Variants in MARCHF1 observed in about 807,000 individuals in gnomAD.
MARCHF1 encodes E3 ubiquitin-protein ligase MARCHF1.
In MARCHF1, 40 loss-of-function variants were observed where a neutral mutation model predicts 54.2. The observed-to-expected ratio is 0.74, with a 90% CI of 0.57 to 0.96. MARCHF1 has a LOEUF of 0.96. Ranked by LOEUF, MARCHF1 falls within the 40% of genes least tolerant of loss-of-function variation. The pLI, the probability that MARCHF1 is intolerant of heterozygous loss-of-function variation, is 0.00. For synonymous variants in MARCHF1, 236 were observed against 236.3 expected, an observed-to-expected ratio of 1.00 and a Z score of 0.01; for missense variants, 586 against 656.5, an observed-to-expected ratio of 0.89 and a Z score of 1.17.
At chr4:163,529,487 T>C (rs886439338) in intron 9 of MARCHF1, among the ~76,000 whole-genome samples, 2 of 151,966 alleles carry the variant, frequency 1.3e-5, no homozygotes, top group African/African-American at 4.8e-5. Flanking sequence ...GTACAGGTCT[T>C]CCCACCCTCA....
At chr4:163,742,433 T>TCC (rs1436357996) in intron 4 of MARCHF1, among the ~76,000 whole-genome samples, 6 of 146,694 alleles carry the variant, frequency 4.1e-5, no homozygotes, top group African/African-American at 7.5e-5. Context: ...CTTCCTTCCT[T>TCC]TTCTTTCTTT....
At chr4:163,562,241 G>A (rs776254978) in intron 8 of MARCHF1, among the ~76,000 whole-genome samples, 4 of 152,128 alleles carry the variant, frequency 2.6e-5, no homozygotes, top group Non-Finnish European at 5.9e-5. Flanking sequence ...AGGTTGCAGT[G>A]AGCAGAGATC....
chr4:163,699,254 T>C (rs903303257), intron 5 of MARCHF1, among the ~76,000 whole-genome samples: 10 of 152,220 alleles, frequency 6.6e-5, no homozygotes, highest in Admixed American at 6.5e-4. Flanking sequence ...AGCACACACA[T>C]TGACTGATAC....
intron 2 of MARCHF1, among the ~76,000 whole-genome samples, chr4:164,102,929 G>A (rs1486599249): frequency 8.6e-6 from 1 of 116,934 alleles, no homozygotes; most frequent in Non-Finnish European, 1.8e-5. Context: ...GATCTACCAA[G>A]CCAATGGAAA....
At chr4:163,814,436 C>T (rs949854522) in intron 4 of MARCHF1, among the ~76,000 whole-genome samples, 1 of 152,008 alleles carries the variant, frequency 6.6e-6, no homozygotes, top group Non-Finnish European at 1.5e-5. Context: ...AAAGATTAGC[C>T]GGTTGTGTGT....
intron 2 of MARCHF1, among the ~76,000 whole-genome samples, chr4:164,075,048 T>C (rs969511773): frequency 1.3e-5 from 2 of 152,112 alleles, no homozygotes; most frequent in Non-Finnish European, 2.9e-5. Flanking sequence ...AATGATAAAA[T>C]AGATCAGTAA....
chr4:164,212,150 A>G (rs1194748432), intron 1 of MARCHF1, among the ~76,000 whole-genome samples: 1 of 152,166 alleles, frequency 6.6e-6, no homozygotes, highest in Non-Finnish European at 1.5e-5. Context: ...GAAAGAATAG[A>G]AACAACAACA....
At chr4:163,672,305 A>T (rs1456274196) in intron 5 of MARCHF1, among the ~76,000 whole-genome samples, 1 of 152,054 alleles carries the variant, frequency 6.6e-6, no homozygotes, top group African/African-American at 2.4e-5. Flanking sequence ...GTTTTGGGGT[A>T]CATGTGAAGG....
intron 1 of MARCHF1, among the ~76,000 whole-genome samples, chr4:164,329,395 A>G (rs939875705): frequency 2.6e-5 from 4 of 152,182 alleles, no homozygotes; most frequent in African/African-American, 7.2e-5. Context: ...AGAAATAAAG[A>G]AAAAAGGAAG....
chr4:163,662,589 C>T lies in MARCHF1; in HGVS notation c.162+38224G>A, dbSNP rs534317932. 1.3e-4 allele frequency among the ~76,000 whole-genome samples: 20 copies of T among 152,164 alleles called. No homozygotes were observed. The South Asian group carries it at 4.1e-3, about 32-fold the overall frequency. On this transcript the variant is annotated intron_variant, in intron 5 of 9. Coordinates refer to ENST00000514618, the MANE Select transcript of MARCHF1 (RefSeq NM_001394959.1). ...CTACTTGCTCTAAGTCCGTCTGTTA[C>T]CATCTCTCTCTGTCTCTGATAGAAA... is the stretch of plus-strand genomic sequence containing the variant.
intron 7 of MARCHF1, among the ~76,000 whole-genome samples, chr4:163,609,301 C>T (rs913675291): frequency 2.0e-5 from 3 of 152,066 alleles, no homozygotes; most frequent in African/African-American, 7.2e-5. Context: ...CAACTTGCCT[C>T]TGTCTTCTGC....
At chr4:163,636,935 A>T (rs1273727765) in intron 5 of MARCHF1, among the ~76,000 whole-genome samples, 3 of 152,220 alleles carry the variant, frequency 2.0e-5, no homozygotes, top group Admixed American at 1.3e-4. Context: ...CCTCAGAAAT[A>T]ACGCTGCATA....
intron 1 of MARCHF1, among the ~76,000 whole-genome samples, chr4:164,213,877 C>T (rs1408731709): frequency 6.6e-6 from 1 of 151,852 alleles, no homozygotes; most frequent in Non-Finnish European, 1.5e-5. Context: ...AAATAATCTT[C>T]ATCTTAATAA....
chr4:163,813,992 C>T (rs570497197), intron 4 of MARCHF1, among the ~76,000 whole-genome samples: 14 of 152,296 alleles, frequency 9.2e-5, no homozygotes, highest in Admixed American at 3.9e-4. Flanking sequence ...GGACAGAATC[C>T]AGGGCTCAGG....
At position 164,026,840 on chromosome 4, in the gene MARCHF1, C is replaced by CA. The variant is rs1753778953; in HGVS notation, c.-247-38132dup. On this transcript the variant is annotated intron_variant, in intron 2 of 9. Coordinates refer to ENST00000514618, the MANE Select transcript of MARCHF1 (RefSeq NM_001394959.1). ...TATGATTACATACCTAGAATACCCC[C>CA]ACAGTCTCTGCCCAAGTGCTCCTGG... Among the ~76,000 whole-genome samples the CA allele has an allele frequency of 2.0e-5, 3 of 152,188 alleles. No homozygotes were observed. In the South Asian group the frequency reaches 6.2e-4, roughly 32 times the overall value.
intron 5 of MARCHF1, among the ~76,000 whole-genome samples, chr4:163,678,015 A>C (rs554237341): frequency 6.6e-6 from 1 of 152,366 alleles, no homozygotes; most frequent in South Asian, 2.1e-4. Flanking sequence ...CCTAGAATTT[A>C]GCAGATAAAT....
chr4:163,731,224 G>A (rs553073161), intron 4 of MARCHF1, among the ~76,000 whole-genome samples: 129 of 152,224 alleles, frequency 8.5e-4, no homozygotes, highest in African/African-American at 2.9e-3. Context: ...TCAGGCCACG[G>A]AAAAACAGAA....
At chr4:163,776,490 A>G (rs1400047844) in intron 4 of MARCHF1, among the ~76,000 whole-genome samples, 1 of 152,140 alleles carries the variant, frequency 6.6e-6, no homozygotes, top group Admixed American at 6.6e-5. Context: ...TTCATCCAAG[A>G]TAAAGCACAA....
intron 2 of MARCHF1, among the ~76,000 whole-genome samples, chr4:164,065,090 A>C (rs1754699250): frequency 1.3e-5 from 2 of 152,156 alleles, no homozygotes; most frequent in South Asian, 4.1e-4. Context: ...ACGTTCATCA[A>C]GAATACTGAC....
Sources: allele counts gnomAD v4.1 joint callset (sites outside exome capture counted in the v4.1 genomes callset), GRCh38; gene constraint gnomAD v4.1.1; transcripts MANE v1.5; gene names NCBI Gene and HGNC (gene_info 2026-07-23, HGNC 2026-07-21).